Variants in CACNA2D3 observed in about 807,000 individuals in gnomAD.
The protein encoded by CACNA2D3 is calcium voltage-gated channel auxiliary subunit alpha2delta 3, also known as voltage-dependent calcium channel subunit alpha-2/delta-3.
CACNA2D3 carries 60 observed loss-of-function variants against 160.6 expected under a neutral mutation model. The observed-to-expected ratio is 0.37, with a 90% confidence interval of 0.30 to 0.46. The LOEUF (loss-of-function observed/expected upper bound fraction) is 0.46, where lower values mean the gene tolerates loss of function less well. CACNA2D3 is among the 20% of genes least tolerant of loss of function. The pLI, the probability that CACNA2D3 is intolerant of heterozygous loss-of-function variation, is 1.00. For synonymous variants in CACNA2D3, 558 were observed against 492.9 expected, an observed-to-expected ratio of 1.13 and a Z score of -1.75; for missense variants, 1,205 against 1,365.0, an observed-to-expected ratio of 0.88 and a Z score of 1.85.
intron 2 of CACNA2D3, among the ~76,000 whole-genome samples, chr3:54,222,083 T>C (rs1297785414): frequency 1.3e-5 from 2 of 152,164 alleles, no homozygotes; most frequent in African/African-American, 4.8e-5. Flanking sequence ...GGGCTGATTG[T>C]ATTATGCTTA....
intron 4 of CACNA2D3, among the ~76,000 whole-genome samples, chr3:54,449,053 A>G (rs1700264216): frequency 6.6e-6 from 1 of 152,232 alleles, no homozygotes; most frequent in African/African-American, 2.4e-5. Flanking sequence ...AAGAAGTAGC[A>G]AACTACTTTT....
Position 54,439,111 on chromosome 3 carries a change from C to T in CACNA2D3, c.381+52337C>T, listed in dbSNP as rs114921567. On this transcript the variant is annotated intron_variant, in intron 4 of 37. Coordinates refer to ENST00000474759, the MANE Select transcript of CACNA2D3 (RefSeq NM_018398.3). Reference sequence around the variant, plus strand: ...CAGCTGTAAAAGCAGCCTCACTGCTCTCCTCAGTGTCCCTATCCCATTGAT... The same window carrying T: ...CAGCTGTAAAAGCAGCCTCACTGCTTTCCTCAGTGTCCCTATCCCATTGAT... Among the ~76,000 whole-genome samples, 313 of 152,320 alleles carry T rather than the reference C, an allele frequency of 2.1e-3. 2 individuals are homozygous for T. The highest frequency in any genetic ancestry group is 7.1e-3 in the African/African-American group (296 of 41,580).
chr3:55,031,826 G>A lies in CACNA2D3; in HGVS notation c.2987+13509G>A, dbSNP rs184097687. On this transcript the variant is annotated intron_variant, in intron 35 of 37. Coordinates refer to ENST00000474759, the MANE Select transcript of CACNA2D3 (RefSeq NM_018398.3). ...CACCTATGATCCAGAATAATTAGAGGTGTAGATGATCAAAGTCAGGAGGAT... is the reference window on the plus strand; with the variant it reads ...CACCTATGATCCAGAATAATTAGAGATGTAGATGATCAAAGTCAGGAGGAT... Among the ~76,000 whole-genome samples, 741 of 152,294 alleles carry A rather than the reference G, an allele frequency of 4.9e-3. 2 individuals are homozygous for A. The highest frequency in any genetic ancestry group is 0.01 in the Middle Eastern group (3 of 294).
At chr3:54,611,152 C>T (rs1698742351) in intron 9 of CACNA2D3, among the ~76,000 whole-genome samples, 1 of 152,200 alleles carries the variant, frequency 6.6e-6, no homozygotes. Context: ...GTCAAAGTCA[C>T]AACTCCACCT....
At chr3:54,578,149 T>C (rs1328847066) in intron 8 of CACNA2D3, among the ~76,000 whole-genome samples, 1 of 152,202 alleles carries the variant, frequency 6.6e-6, no homozygotes, top group African/African-American at 2.4e-5. Context: ...TAAGTACGTC[T>C]TTAGGGTTCA....
chr3:54,736,109 GTATATATATACATATA>G (rs1186522950), intron 11 of CACNA2D3, among the ~76,000 whole-genome samples: 2 of 20,080 alleles, frequency 1.0e-4, no homozygotes, highest in African/African-American at 3.0e-4. Context: ...ACATATATAT[GTATATATATACATATA>G]TATATGTATA....
At chr3:54,160,981 G>T (rs891571874) in intron 2 of CACNA2D3, among the ~76,000 whole-genome samples, 4 of 152,216 alleles carry the variant, frequency 2.6e-5, no homozygotes, top group Admixed American at 6.5e-5. Flanking sequence ...AGTCCAGTGT[G>T]GGGAGGCAGC....
At chr3:54,590,341 T>G (rs1411114082) in intron 9 of CACNA2D3, among the ~76,000 whole-genome samples, 1 of 152,154 alleles carries the variant, frequency 6.6e-6, no homozygotes, top group Non-Finnish European at 1.5e-5. Flanking sequence ...GAACACATAC[T>G]TCATGATTCC....
At position 54,940,770 on chromosome 3, in the gene CACNA2D3, A is replaced by G. The variant is rs187962403; in HGVS notation, c.2450-27680A>G. 2.1e-3 allele frequency among the ~76,000 whole-genome samples: 317 copies of G among 152,080 alleles called. 1 individual carries two copies. The highest frequency in any genetic ancestry group is 1.6e-3 in the Non-Finnish European group (108 of 68,018). On this transcript the variant is annotated intron_variant, in intron 27 of 37. Transcript: ENST00000474759. The stretch of plus-strand genomic sequence containing the variant: ...TTGATATTATTCAGTTTATTTTTGC[A>G]GGTTTTGCAGGGGAAGGGGGCTTTT...
At chr3:55,009,245 G>T (rs1425037489) in intron 33 of CACNA2D3, 143 bp from the exon 34 acceptor site, 6 of 700,016 alleles carry the variant, frequency 8.6e-6, no homozygotes, top group East Asian at 2.7e-5. Context: ...AAATTTAGTA[G>T]TAACTCAGCC....
At chr3:55,038,888 A>G (rs1258868913) in intron 35 of CACNA2D3, among the ~76,000 whole-genome samples, 3 of 140,754 alleles carry the variant, frequency 2.1e-5, no homozygotes, top group Non-Finnish European at 4.6e-5. Context: ...ATATATATAT[A>G]TATATATATA....
In CACNA2D3 at chr3:54,929,603, G is replaced by A. The variant is rs186743569; in HGVS notation, c.2449+29735G>A. Among the ~76,000 whole-genome samples, 130 of 151,468 alleles carry A rather than the reference G, an allele frequency of 8.6e-4. 1 individual carries two copies. Among genetic ancestry groups the A allele is most frequent in the South Asian group, 2.9e-3 (14 of 4,772 alleles). On this transcript the variant is annotated intron_variant, in intron 27 of 37. Transcript: ENST00000474759. ...GCCTCTTCCAGAAAGCCCACTTTACGCAACCTGCCATCTTTTGTCCTTCTC... is the reference window on the plus strand; with the variant it reads ...GCCTCTTCCAGAAAGCCCACTTTACACAACCTGCCATCTTTTGTCCTTCTC...
intron 13 of CACNA2D3, among the ~76,000 whole-genome samples, chr3:54,800,758 C>G (rs1307772197): frequency 6.6e-6 from 1 of 152,168 alleles, no homozygotes; most frequent in Admixed American, 6.5e-5. Flanking sequence ...AACTCCAGAT[C>G]TTTTCATTCA....
intron 4 of CACNA2D3, among the ~76,000 whole-genome samples, chr3:54,488,666 G>A (rs1253736430): frequency 1.3e-5 from 2 of 152,036 alleles, no homozygotes; most frequent in Non-Finnish European, 2.9e-5. Flanking sequence ...CTCTTTCTTC[G>A]CATTCCTTCA....
chr3:54,504,036 A>G (rs1019320631), intron 5 of CACNA2D3, among the ~76,000 whole-genome samples: 1 of 152,190 alleles, frequency 6.6e-6, no homozygotes, highest in Non-Finnish European at 1.5e-5. Context: ...TTTATCTACA[A>G]AAAGAGATGG....
At chr3:54,413,915 CT>C (rs11296998) in intron 4 of CACNA2D3, among the ~76,000 whole-genome samples, 91,870 of 139,420 alleles carry the variant, frequency 0.66, 30,004 homozygotes, top group South Asian at 0.72. Flanking sequence ...TTTTAAGTCA[CT>C]TTTTTTTTTT....
rs868376958 is a variant in CACNA2D3, at chr3:54,594,889, G to A, written c.963+13012G>A. Among the ~76,000 whole-genome samples the A allele has an allele frequency of 7.2e-5, 11 of 152,178 alleles. No homozygotes were observed. In the South Asian group the frequency reaches 1.0e-3, roughly 14 times the overall value. ...CTGAGAGAGTTTAAGAGACACATGC[G>A]GGTATACACAATCAGTAAGTGCGCA... On this transcript the variant is annotated intron_variant, in intron 9 of 37. Coordinates refer to ENST00000474759, the MANE Select transcript of CACNA2D3 (RefSeq NM_018398.3).
intron 13 of CACNA2D3, among the ~76,000 whole-genome samples, chr3:54,808,706 T>C (rs1045447543): frequency 6.6e-6 from 1 of 152,094 alleles, no homozygotes; most frequent in Non-Finnish European, 1.5e-5. Context: ...ACCTGTAAAA[T>C]TGTAGTAATA....
chr3:54,890,457 T>C (rs1336045194), intron 24 of CACNA2D3, among the ~76,000 whole-genome samples: 19 of 144,904 alleles, frequency 1.3e-4, no homozygotes, highest in Non-Finnish European at 1.0e-4. Context: ...GATAGCGCCA[T>C]TGCACTCCAG....
Sources: gnomAD v4.1 joint callset for allele counts (sites outside exome capture counted in the v4.1 genomes callset) on GRCh38, gnomAD v4.1.1 for gene constraint, MANE v1.5 for transcripts, NCBI Gene and HGNC (gene_info 2026-07-23, HGNC 2026-07-21) for gene names.